The following RXRA variants were observed in gnomAD, a reference collection of about 807,000 sequenced individuals.
RXRA encodes retinoic acid receptor RXR-alpha.
In RXRA, 5 loss-of-function variants were observed where a neutral mutation model predicts 44.5. The ratio of observed to expected loss-of-function variants is 0.11; its 90% confidence interval spans 0.06 to 0.24. The LOEUF is 0.24. Among genes scored for constraint, RXRA ranks in the 10% least tolerant of loss-of-function variants. The pLI is 1.00. For synonymous variants in RXRA, 291 were observed against 271.4 expected (o/e 1.07, Z -0.71); for missense variants, 412 against 646.5 (o/e 0.64, Z 3.93).
intron 6 of RXRA, chr9:134,424,268 C>G (rs1007909564): frequency 1.4e-4 from 138 of 985,278 alleles, no homozygotes; most frequent in Non-Finnish European, 1.6e-4. Context: ...TGCCATGAGT[C>G]CCCAGGCCCT....
intron 1 of RXRA, among the ~76,000 whole-genome samples, chr9:134,381,914 TG>T (rs1830652332): frequency 6.6e-6 from 1 of 152,084 alleles, no homozygotes; most frequent in Non-Finnish European, 1.5e-5. Flanking sequence ...CGGTGGGGGC[TG>T]CTCAGGTGGT....
chr9:134,369,942 C>T (rs967590673), intron 1 of RXRA, among the ~76,000 whole-genome samples: 23 of 152,174 alleles, frequency 1.5e-4, no homozygotes. Flanking sequence ...GGGAGCTCGC[C>T]ACGGAGTCTG....
At chr9:134,331,233 G>A (rs782561086) in intron 1 of RXRA, among the ~76,000 whole-genome samples, 2 of 152,230 alleles carry the variant, frequency 1.3e-5, no homozygotes, top group Non-Finnish European at 2.9e-5. Context: ...CCCGAGCCTG[G>A]TGCGAGATGT....
intron 6 of RXRA, chr9:134,422,863 T>C (rs2119190883): frequency 1.0e-6 from 1 of 985,410 alleles, no homozygotes; most frequent in East Asian, 1.1e-4. Context: ...CTGGCTGTGT[T>C]CCAGGGGCTG....
intron 1 of RXRA, among the ~76,000 whole-genome samples, chr9:134,368,828 A>G (rs1042090844): frequency 6.9e-6 from 1 of 144,450 alleles, no homozygotes; most frequent in Non-Finnish European, 1.5e-5. Context: ...TGCTGTGCAT[A>G]TGTGTGACTG....
chr9:134,409,053 C>T lies in RXRA; in HGVS notation c.544C>T (p.Arg182Trp), dbSNP rs765850979. Residue 182 changes from arginine to tryptophan, a missense_variant, in exon 4 of 10, where the codon CGG (arginine) becomes TGG (tryptophan). By Grantham distance (101) the Arg-to-Trp change is moderately radical. This residue lies in a region of RXRA where 48 missense variants were observed against 119.9 expected (regional missense o/e 0.40). Transcript: ENST00000481739. Reference protein sequence around the residue: ...RDNKDCLIDKRQRNRCQYCRY... With the variant: ...RDNKDCLIDKWQRNRCQYCRY... ...CAACAAGGACTGCCTGATTGACAAG[C>T]GGCAGCGGAACCGGTGCCAGTACTG... 1.2e-5 allele frequency: 19 copies of T among 1,611,558 alleles called. No individual in the cohort carries two copies. Among genetic ancestry groups the T allele is most frequent in the Non-Finnish European group, 1.5e-5 (18 of 1,179,052 alleles).
intron 1 of RXRA, among the ~76,000 whole-genome samples, chr9:134,332,140 A>G (rs1835015533): frequency 6.6e-6 from 1 of 152,164 alleles, no homozygotes; most frequent in African/African-American, 2.4e-5. Flanking sequence ...GGTGGCTAGG[A>G]GAAGTCCCCA....
In RXRA at chr9:134,327,085, C is replaced by T. The variant is rs901692369; in HGVS notation, c.28+426C>T. Among the ~76,000 whole-genome samples, 39 of 152,158 alleles carry T rather than the reference C, an allele frequency of 2.6e-4. No homozygotes were observed. The East Asian group carries it at 7.0e-3, about 27-fold the overall frequency. ...CGCGCTGGGCCCCGAGCGGCCTCTG[C>T]GCCGCCCGCCCGTCGGGCTGCGGCT... On this transcript the variant is annotated intron_variant, in intron 1 of 9. Coordinates refer to ENST00000481739, the MANE Select transcript of RXRA (RefSeq NM_002957.6).
chr9:134,409,659 A>G (rs1300789279), intron 4 of RXRA, among the ~76,000 whole-genome samples: 2 of 152,194 alleles, frequency 1.3e-5, no homozygotes, highest in Non-Finnish European at 2.9e-5. Flanking sequence ...CCCGGGCCCC[A>G]CAGGCACTGT....
chr9:134,409,041 C>T lies in RXRA; in HGVS notation c.532C>T (p.Leu178=), dbSNP rs749855501. 11 of 1,612,154 alleles carry T rather than the reference C, an allele frequency of 6.8e-6. No individual in the cohort carries two copies. The highest frequency in any genetic ancestry group is 5.5e-5 in the South Asian group (5 of 90,922). The change falls in exon 4 of 10, where the codon CTG becomes TTG. Residue 178 remains leucine, a synonymous_variant. Transcript: ENST00000481739. The part of the protein sequence containing the change: ...TYTCRDNKDC[L]IDKRQRNRCQ... ...CACCTGCCGCGACAACAAGGACTGCCTGATTGACAAGCGGCAGCGGAACCG... is the reference window on the plus strand; with the variant it reads ...CACCTGCCGCGACAACAAGGACTGCTTGATTGACAAGCGGCAGCGGAACCG...
At chr9:134,395,408 T>C (rs1234517446) in intron 1 of RXRA, among the ~76,000 whole-genome samples, 1 of 152,244 alleles carries the variant, frequency 6.6e-6, no homozygotes. Context: ...CATCTCTGCA[T>C]GTGTCACGGA....
intron 2 of RXRA, chr9:134,404,417 G>A (rs888461518): frequency 2.0e-5 from 3 of 152,370 alleles, no homozygotes; most frequent in African/African-American, 7.2e-5. Flanking sequence ...CAGGCCCGGG[G>A]GACATTCCCC....
intron 1 of RXRA, among the ~76,000 whole-genome samples, chr9:134,341,143 C>T (rs889429614): frequency 2.0e-5 from 3 of 152,126 alleles, no homozygotes; most frequent in Non-Finnish European, 4.4e-5. Context: ...CCGCAGGCCC[C>T]GCCGTGGGTG....
intron 1 of RXRA, among the ~76,000 whole-genome samples, chr9:134,336,344 G>A (rs925661217): frequency 2.0e-5 from 3 of 152,212 alleles, no homozygotes; most frequent in East Asian, 1.9e-4. Flanking sequence ...ACCCCTTAGC[G>A]GCAACGTAGA....
intron 4 of RXRA, among the ~76,000 whole-genome samples, chr9:134,412,107 G>A (rs765127842): frequency 6.6e-6 from 1 of 152,212 alleles, no homozygotes; most frequent in Non-Finnish European, 1.5e-5. Flanking sequence ...TGCAAGGCAG[G>A]CTCCCCGACA....
chr9:134,338,793 C>T (rs762608369), intron 1 of RXRA, among the ~76,000 whole-genome samples: 12 of 152,222 alleles, frequency 7.9e-5, no homozygotes, highest in Non-Finnish European at 1.3e-4. Flanking sequence ...GCGGGTGAGA[C>T]TGGGGGAGCG....
chr9:134,423,946 G>A (rs1831389908), intron 6 of RXRA: 4 of 985,254 alleles, frequency 4.1e-6, no homozygotes, highest in Non-Finnish European at 4.8e-6. Flanking sequence ...GGGGATCCCA[G>A]ATGGTTGTGC....
At chr9:134,416,333 G>A (rs1831234270) in intron 4 of RXRA, among the ~76,000 whole-genome samples, 1 of 152,204 alleles carries the variant, frequency 6.6e-6, no homozygotes, top group African/African-American at 2.4e-5. Flanking sequence ...CCCACCCCCA[G>A]GGCTGATGAG....
intron 4 of RXRA, among the ~76,000 whole-genome samples, chr9:134,412,239 G>A (rs546836376): frequency 6.8e-4 from 104 of 152,358 alleles, no homozygotes; most frequent in African/African-American, 2.4e-3. Flanking sequence ...GGGAGCTGTC[G>A]GCTCTGGGGA....
Sources: allele counts gnomAD v4.1 joint callset (sites outside exome capture counted in the v4.1 genomes callset), GRCh38; gene constraint gnomAD v4.1.1; regional missense constraint gnomAD v4.1.1; transcripts MANE v1.5; gene names NCBI Gene and HGNC (gene_info 2026-07-23, HGNC 2026-07-21).